The following FKBP8 variants were observed in gnomAD, a reference collection of about 807,000 sequenced individuals.
FKBP8 encodes the protein FKBP prolyl isomerase 8.
A neutral mutation model predicts 41.7 loss-of-function variants in FKBP8; 5 were observed. The ratio of observed to expected loss-of-function variants is 0.12; its 90% CI spans 0.06 to 0.25. The LOEUF (loss-of-function observed/expected upper bound fraction) is 0.25, where lower values mean the gene tolerates loss of function less well. Among genes scored for constraint, FKBP8 ranks in the 10% least tolerant of loss-of-function variants. The pLI, the probability that FKBP8 is intolerant of heterozygous loss-of-function variation, is 1.00. For synonymous variants in FKBP8, 279 were observed against 254.5 expected, an observed-to-expected ratio of 1.10 and a Z score of -0.92; for missense variants, 397 against 563.0, an observed-to-expected ratio of 0.71 and a Z score of 2.98.
chr19:18,541,382 T>C (rs1446712294), intron 2 of FKBP8, among the ~76,000 whole-genome samples: 1 of 152,126 alleles, frequency 6.6e-6, no homozygotes, highest in Admixed American at 6.6e-5. Context: ...AAAGATGCAT[T>C]GATGGGGTTA....
chr19:18,532,648 C>G lies in FKBP8; in HGVS notation c.1155+16G>C. The G allele has an allele frequency of 6.2e-7, 1 of 1,612,802 alleles. No individual in the cohort carries two copies. The highest frequency in any genetic ancestry group is 8.5e-7 in the Non-Finnish European group (1 of 1,179,574). On this transcript the variant is annotated intron_variant, in intron 8 of 8. Coordinates refer to ENST00000608443, the MANE Select transcript of FKBP8 (RefSeq NM_012181.5). The stretch of plus-strand genomic sequence containing the variant: ...GCCCTGCACACAGCCCCTGCCCATT[C>G]TGTGCCCCAGCTCACCCAGGCACCC...
At chr19:18,536,417 G>A (rs1267318492) in intron 6 of FKBP8, among the ~76,000 whole-genome samples, 4 of 152,144 alleles carry the variant, frequency 2.6e-5, no homozygotes, top group Admixed American at 2.6e-4. Context: ...GGAGTGCAGT[G>A]GTGTGATCAA....
intron 1 of FKBP8, chr19:18,542,935 A>AC: frequency 3.5e-6 from 2 of 578,572 alleles, no homozygotes; most frequent in South Asian, 1.8e-5. Context: ...AGACCCTCCC[A>AC]GCCCCCACCC....
Position 18,533,339 on chromosome 19 carries a change from G to A in FKBP8, c.954C>T (p.Ala318=), listed in dbSNP as rs34383103. 666 of 1,603,900 alleles carry A rather than the reference G, an allele frequency of 4.2e-4. No homozygotes were observed. Among genetic ancestry groups the A allele is most frequent in the Admixed American group, 6.8e-4 (40 of 58,866 alleles). The change falls in exon 7 of 9, where the codon GCC becomes GCT. Residue 318 remains alanine, a synonymous_variant. Transcript: ENST00000608443. ...TGGCCTCACTGTACTCCCCCTGCTG[G>A]GCCAGCACCTGTAAGGGGAAGGGGG... ...KALFRKGKVL[A]QQGEYSEAIP...
rs915997012 is a variant in FKBP8 at position 18,543,504 on chromosome 19, C to G, written c.-44G>C. 6.6e-6 allele frequency: 1 copy of G among 150,680 alleles called. No homozygotes were observed. Among genetic ancestry groups the G allele is most frequent in the Non-Finnish European group, 1.5e-5 (1 of 67,752 alleles). The allele number at this position is 150,680 out of a possible 1,614,324, so 9.3% of individuals were successfully genotyped here. On this transcript the variant is annotated 5_prime_UTR_variant, in exon 1 of 9. Transcript: ENST00000608443. Reference sequence around the variant, plus strand: ...CACTTGCCTCTGGCTCCGGGACCCCCACTTGGGGTCCTGCGCCCCCCTCCC... The same window carrying G: ...CACTTGCCTCTGGCTCCGGGACCCCGACTTGGGGTCCTGCGCCCCCCTCCC...
intron 2 of FKBP8, among the ~76,000 whole-genome samples, chr19:18,540,225 A>C (rs770965480): frequency 6.6e-6 from 1 of 152,084 alleles, no homozygotes; most frequent in Non-Finnish European, 1.5e-5. Flanking sequence ...CAGCCATGAA[A>C]TGAGGTGCTC....
rs1337572806 is a variant in FKBP8, at chr19:18,537,733, C to T, written c.813G>A (p.Leu271=). 6.2e-7 allele frequency: 1 copy of T among 1,613,926 alleles called. No homozygotes were observed. Among genetic ancestry groups the T allele is most frequent in the South Asian group, 1.1e-5 (1 of 91,062 alleles). ...CCAGGTTGTTCAGACACTTCACCTT[C>T]AACTGCAGGAGCTGTGCCTCCTCCT... The part of the protein sequence containing the change: ...TFEEEAQLLQ[L]KVKCLNNLAA... The change falls in exon 6 of 9, where the codon TTG becomes TTA. Residue 271 remains leucine, a synonymous_variant. Coordinates refer to ENST00000608443, the MANE Select transcript of FKBP8 (RefSeq NM_012181.5). The surrounding 1 kb of genome is among the most constrained non-coding windows in gnomAD (Gnocchi z 4.4).
At position 18,541,848 on chromosome 19, in the gene FKBP8, C is replaced by T. The variant is rs1370152669; in HGVS notation, c.123G>A (p.Glu41=). The T allele has an allele frequency of 2.5e-6, 4 of 1,613,030 alleles. No individual in the cohort carries two copies. The highest frequency in any genetic ancestry group is 1.3e-5 in the African/African-American group (1 of 75,020). ...EDAEGEEEEE[E]EEEEEDDLSE... is the part of the protein sequence containing the mutation. ...TCAGGTCATCCTCTTCCTCCTCTTC[C>T]TCCTCCTCTTCCTCCTCACCCTCTG... The change falls in exon 2 of 9, where the codon GAG becomes GAA. Residue 41 remains glutamate, a synonymous_variant. Transcript: ENST00000608443.
chr19:18,539,867 T>G, intron 2 of FKBP8, 147 bp from the exon 3 acceptor site: 2 of 888,052 alleles, frequency 2.3e-6, no homozygotes, highest in South Asian at 1.6e-5. Context: ...AAACTTCCAA[T>G]GGCCACTCTG....
chr19:18,541,750 C>A lies in FKBP8; in HGVS notation c.221G>T (p.Arg74Leu). The stretch of plus-strand genomic sequence containing the variant: ...GGGCTCCATGGCAGCAAGGAACTCT[C>A]GGGCCAGGGCCCCAGGCTGCTCAGC... ...EEAEQPGALA[R>L]EFLAAMEPEP... is the part of the protein sequence containing the mutation. Residue 74 changes from arginine (R) to leucine (L), a missense_variant, in exon 2 of 9, where the codon CGA becomes CTA. This residue lies in a region of FKBP8 where 172 missense variants were observed against 196.2 expected (regional missense o/e 0.88). Coordinates refer to ENST00000608443, the MANE Select transcript of FKBP8 (RefSeq NM_012181.5). The A allele has an allele frequency of 6.2e-7, 1 of 1,613,890 alleles. No individual in the cohort carries two copies. Among genetic ancestry groups the A allele is most frequent in the Non-Finnish European group, 8.5e-7 (1 of 1,179,974 alleles).
intron 8 of FKBP8, 81 bp downstream of exon 8, chr19:18,532,583 G>A (rs1976473612): frequency 6.4e-7 from 1 of 1,559,702 alleles, no homozygotes; most frequent in Non-Finnish European, 8.7e-7. Flanking sequence ...AGTCTCCGAG[G>A]ACATCCATGT....
chr19:18,537,656 C>T lies in FKBP8; in HGVS notation c.890G>A (p.Ser297Asn). The change falls in exon 6 of 9, where the codon AGC becomes AAC. Residue 297 changes from serine (S) to asparagine (N), a missense_variant. Coordinates refer to ENST00000608443, the MANE Select transcript of FKBP8 (RefSeq NM_012181.5). This position sits in a 1 kb window ranked among gnomAD's most constrained non-coding sequence, Gnocchi z 4.4. Reference protein sequence around the residue: ...DHYRAALRSCSLVLEHQPDNI... With the variant: ...DHYRAALRSCNLVLEHQPDNI... ...GTCTGGCTGGTGCTCCAGCACAAGG[C>T]TGCAGGAGCGCAGGGCTGCGCGGTA... is the stretch of plus-strand genomic sequence containing the variant. The T allele has an allele frequency of 6.2e-7, 1 of 1,613,068 alleles. No homozygotes were observed. Among genetic ancestry groups the T allele is most frequent in the South Asian group, 1.1e-5 (1 of 90,996 alleles).
At chr19:18,536,268 T>C (rs1474165902) in intron 6 of FKBP8, 2 of 152,108 alleles carry the variant, frequency 1.3e-5, no homozygotes, top group Non-Finnish European at 2.9e-5. Context: ...GGGGTGAGGC[T>C]GTGAGGATGA....
intron 7 of FKBP8, 114 bp from the exon 8 acceptor site, chr19:18,532,909 T>TCCCTTTGCTAAG (rs1913014344): frequency 6.7e-7 from 1 of 1,500,400 alleles, no homozygotes; most frequent in Non-Finnish European, 8.9e-7. Context: ...GACACAGGGG[T>TCCCTTTGCTAAG]CCCATCTGCC....
In FKBP8 at chr19:18,542,014, G is replaced by C. The variant is rs750485111; in HGVS notation, c.-25-19C>G. On this transcript the variant is annotated intron_variant, in intron 1 of 8. Transcript: ENST00000608443. ...ATTGGCCCTGGAAGTGGGGGGCAGAGATGTGGGTCAGAATCCTACACAGCC... is the reference window on the plus strand; with the variant it reads ...ATTGGCCCTGGAAGTGGGGGGCAGACATGTGGGTCAGAATCCTACACAGCC... The C allele has an allele frequency of 3.1e-6, 5 of 1,597,714 alleles. No homozygotes were observed.
rs535717959 is a variant in FKBP8 at position 18,539,364 on chromosome 19, C to T, written c.551+7G>A. On this transcript the variant is annotated splice_region_variant and intron_variant, in intron 4 of 8. Coordinates refer to ENST00000608443, the MANE Select transcript of FKBP8 (RefSeq NM_012181.5). Reference sequence around the variant, plus strand: ...CCTGCAGAGACCTAAGGGTGGCTGACTCTCACCTGCCTTGGGGGCCGTAGC... The same window carrying T: ...CCTGCAGAGACCTAAGGGTGGCTGATTCTCACCTGCCTTGGGGGCCGTAGC... The T allele has an allele frequency of 1.2e-6, 2 of 1,610,656 alleles. No individual in the cohort carries two copies. The highest frequency in any genetic ancestry group is 1.7e-6 in the Non-Finnish European group (2 of 1,178,664).
chr19:18,539,766 C>T, intron 2 of FKBP8, 46 bp from the exon 3 acceptor site: 1 of 1,592,878 alleles, frequency 6.3e-7, no homozygotes, highest in Non-Finnish European at 8.5e-7. Context: ...GCAGCTCAAA[C>T]AGGCACCCGC....
At chr19:18,536,233 TA>T (rs1976572350) in intron 6 of FKBP8, 2 of 152,136 alleles carry the variant, frequency 1.3e-5, no homozygotes, top group African/African-American at 4.8e-5. Flanking sequence ...CGTTAACTGC[TA>T]AAAGGTCCTG....
At chr19:18,533,236 C>A (rs1251711750) in intron 7 of FKBP8, 34 bp downstream of exon 7, 6 of 1,527,016 alleles carry the variant, frequency 3.9e-6, no homozygotes, top group Middle Eastern at 1.7e-4. Context: ...ACTTCCCAGC[C>A]GAGCAAGTCC....
Sources: gnomAD v4.1 joint callset for allele counts (sites outside exome capture counted in the v4.1 genomes callset) on GRCh38, gnomAD v4.1.1 for gene constraint, gnomAD v4.1.1 regional missense constraint, Gnocchi (gnomAD v3.1) non-coding constraint, MANE v1.5 for transcripts, NCBI Gene and HGNC (gene_info 2026-07-23, HGNC 2026-07-21) for gene names.